The following AGTPBP1 variants were observed in gnomAD, a reference collection of about 807,000 sequenced individuals.
The protein encoded by AGTPBP1 is cytosolic carboxypeptidase 1.
A neutral mutation model predicts 143.9 loss-of-function variants in AGTPBP1; 70 were observed. The ratio of observed to expected loss-of-function variants is 0.49; its 90% CI spans 0.40 to 0.59. AGTPBP1 has a LOEUF of 0.59. Ranked by LOEUF, AGTPBP1 falls within the 20% of genes least tolerant of loss-of-function variation. The pLI is 0.00. For missense variants in AGTPBP1, 1,229 were observed against 1,464.5 expected (o/e 0.84, Z 2.62); for synonymous variants, 463 against 500.2 (o/e 0.93, Z 0.99).
chr9:85,797,928 T>C, the AGTPBP1 span, among the ~76,000 whole-genome samples: 3 of 152,146 alleles, frequency 2.0e-5, no homozygotes, highest in East Asian at 5.8e-4. Context: ...ACTCTCACTC[T>C]GTCACCCAGG....
At chr9:85,733,198 A>C (rs1051410361) in intron 1 of AGTPBP1, among the ~76,000 whole-genome samples, 6 of 152,214 alleles carry the variant, frequency 3.9e-5, no homozygotes, top group Non-Finnish European at 5.9e-5. Context: ...GTGCACACAG[A>C]ACATTCTCCA....
the AGTPBP1 span, among the ~76,000 whole-genome samples, chr9:85,755,289 G>A: frequency 6.6e-6 from 1 of 152,114 alleles, no homozygotes; most frequent in Non-Finnish European, 1.5e-5. Context: ...TTTGGTGGCA[G>A]TGCTTCATTA....
the AGTPBP1 span, among the ~76,000 whole-genome samples, chr9:85,757,178 C>G: frequency 0.039 from 5,873 of 152,146 alleles, 169 homozygotes; most frequent in African/African-American, 0.079. Context: ...GTGATTCTCC[C>G]GTCTCAGCCT....
At chr9:85,763,850 T>C in the AGTPBP1 span, among the ~76,000 whole-genome samples, 1 of 152,294 alleles carries the variant, frequency 6.6e-6, no homozygotes, top group African/African-American at 2.4e-5. Flanking sequence ...CTTATGATAG[T>C]ATGTGTCTCT....
rs11141028 is a variant in AGTPBP1, at chr9:85,592,662, C to T, written c.2466G>A (p.Lys822=). 459 of 1,611,192 alleles carry T rather than the reference C, an allele frequency of 2.8e-4. 1 individual carries two copies. The African/African-American group carries it at 4.1e-3, about 14-fold the overall frequency. The change falls in exon 19 of 26, where the codon AAG becomes AAA. Residue 822 remains lysine, a synonymous_variant. Coordinates refer to ENST00000357081, the MANE Select transcript of AGTPBP1 (RefSeq NM_001330701.2). ...SRSSVAAGGQ[K]GKSYYTITFT... is the part of the protein sequence containing the mutation. ...ATGTAATTGTATAGTAGGATTTTCC[C>T]TTTTGCCCACCTGCAGCAACTGAAC... is the stretch of plus-strand genomic sequence containing the variant.
chr9:85,595,142 A>T (rs574498142), intron 18 of AGTPBP1, among the ~76,000 whole-genome samples: 1 of 152,338 alleles, frequency 6.6e-6, no homozygotes, highest in Admixed American at 6.5e-5. Context: ...AAGAAATCTT[A>T]CTGAGATGAA....
rs76105219 is a variant in AGTPBP1, at chr9:85,724,289, A to G, written c.-33-11723T>C. ...GCAACAGAGTGAGACTTTGTCTCAA[A>G]AAAAAAAAAAAAAAAAGAAAGAAAT... On this transcript the variant is annotated intron_variant, in intron 1 of 25. Transcript: ENST00000357081. Among the ~76,000 whole-genome samples the G allele has an allele frequency of 3.8e-5, 5 of 133,122 alleles. No individual in the cohort carries two copies. In the South Asian group the frequency reaches 1.3e-3, roughly 36 times the overall value. 87.3% of individuals were successfully genotyped at this position (133,122 alleles called of 152,430 possible). A position where few individuals can be genotyped will look rare whatever the true frequency, so the allele number is the denominator to read the frequency against.
chr9:85,751,930 C>T, the AGTPBP1 span, among the ~76,000 whole-genome samples: 1 of 151,090 alleles, frequency 6.6e-6, no homozygotes, highest in Non-Finnish European at 1.5e-5. Context: ...TGACTTGACC[C>T]TTAAGATGTG....
chr9:85,572,309 AGGTGT>A (rs773963412), intron 25 of AGTPBP1, among the ~76,000 whole-genome samples: 2 of 151,976 alleles, frequency 1.3e-5, no homozygotes, highest in Non-Finnish European at 2.9e-5. Flanking sequence ...CTGGGATTAC[AGGTGT>A]GAGCCACTGC....
At chr9:85,773,423 TC>T in the AGTPBP1 span, among the ~76,000 whole-genome samples, 2 of 124,372 alleles carry the variant, frequency 1.6e-5, no homozygotes, top group Non-Finnish European at 3.2e-5. Context: ...AGACTCCGCC[TC>T]CCAGGTTCAA....
chr9:85,803,513 CA>C, the AGTPBP1 span, among the ~76,000 whole-genome samples: 9 of 152,226 alleles, frequency 5.9e-5, no homozygotes, highest in South Asian at 2.1e-4. Flanking sequence ...GATGCTGGTT[CA>C]GCAGGTCTGG....
chr9:85,744,605 C>T (rs1824560472), upstream of AGTPBP1, among the ~76,000 whole-genome samples: 1 of 152,174 alleles, frequency 6.6e-6, no homozygotes, highest in Non-Finnish European at 1.5e-5. Flanking sequence ...TTCCCAGTTG[C>T]CCGCTTCACA....
rs1825794161 is a variant in AGTPBP1 at position 85,547,395 on chromosome 9, GC to G, written c.3504-110del. The G allele has an allele frequency of 3.2e-6, 3 of 924,080 alleles. No individual in the cohort carries two copies. In the South Asian group the frequency reaches 1.1e-4, roughly 33 times the overall value. The allele number at this position is 924,080 out of a possible 1,614,324, so 57.2% of individuals were successfully genotyped here. On this transcript the variant is annotated intron_variant, in intron 25 of 25. Coordinates refer to ENST00000357081, the MANE Select transcript of AGTPBP1 (RefSeq NM_001330701.2). ...CTTTGATTCCAATATAATATAAGCT[GC>G]ATTAACTTTAAAAATCTTATCCAAA...
At chr9:85,744,345 A>G (rs1190230799), upstream of AGTPBP1, among the ~76,000 whole-genome samples, 2 of 152,208 alleles carry the variant, frequency 1.3e-5, no homozygotes, top group Non-Finnish European at 2.9e-5. Flanking sequence ...TCATCTATGG[A>G]GTGTATTCCC....
chr9:85,761,678 A>G, the AGTPBP1 span, among the ~76,000 whole-genome samples: 12 of 152,370 alleles, frequency 7.9e-5, no homozygotes, highest in East Asian at 2.3e-3. Context: ...ACCCTAGAAG[A>G]AAACCTAGGC....
chr9:85,664,004 A>G (rs62569190), intron 8 of AGTPBP1, among the ~76,000 whole-genome samples: 2,669 of 152,298 alleles, frequency 0.018, 28 homozygotes, highest in Middle Eastern at 0.054. Flanking sequence ...TATGTGCAAC[A>G]TAAGTGAATC....
Position 85,586,869 on chromosome 9 carries a change from GC to G in AGTPBP1, c.2994del (p.Leu999CysfsTer8). 1 of 1,613,962 alleles carries G rather than the reference GC, an allele frequency of 6.2e-7. No homozygotes were observed. The highest frequency in any genetic ancestry group is 8.5e-7 in the Non-Finnish European group (1 of 1,179,924). On this transcript the variant is annotated frameshift_variant, in exon 22 of 26. Coordinates refer to ENST00000357081, the MANE Select transcript of AGTPBP1 (RefSeq NM_001330701.2). LOFTEE classifies it high-confidence loss of function. Reference protein sequence around the residue: ...DLHPTIYHAKGLLQYLAAVKR... With the variant: ...DLHPTIYHAKXLLQYLAAVKR... Reference sequence around the variant, plus strand: ...TTCACTGCAGCCAAGTATTGCAACAGCCCCTTAGCATGGTAAATTGTAGGAT... The same window carrying G: ...TTCACTGCAGCCAAGTATTGCAACAGCCCTTAGCATGGTAAATTGTAGGAT...
chr9:85,764,902 A>G, the AGTPBP1 span: 2 of 1,155,464 alleles, frequency 1.7e-6, no homozygotes, highest in Non-Finnish European at 2.6e-6. Context: ...AAAACTTAAA[A>G]ATGGTAGAGT....
chr9:85,593,837 G>A (rs1431646054), intron 18 of AGTPBP1, among the ~76,000 whole-genome samples: 2 of 152,020 alleles, frequency 1.3e-5, no homozygotes, highest in Admixed American at 6.6e-5. Context: ...TTCCAGACTC[G>A]AAATACTGCT....
Sources: allele counts gnomAD v4.1 joint callset (sites outside exome capture counted in the v4.1 genomes callset), GRCh38; gene constraint gnomAD v4.1.1; transcripts MANE v1.5; gene names NCBI Gene and HGNC (gene_info 2026-07-23, HGNC 2026-07-21).